Variants in HERC1 observed in about 807,000 individuals in gnomAD.
HERC1 encodes the protein HECT and RLD domain containing E3 ubiquitin protein ligase family member 1.
In HERC1, 160 loss-of-function variants were observed where a neutral mutation model predicts 554.3. The ratio of observed to expected loss-of-function variants is 0.29; its 90% CI spans 0.25 to 0.33. The LOEUF is 0.33. Among genes scored for constraint, HERC1 ranks in the 10% least tolerant of loss-of-function variants. The probability of loss-of-function intolerance (pLI) is 1.00; values close to 1 mark genes in which losing one functional copy is unlikely to be tolerated. For missense variants in HERC1, 4,919 were observed against 5,918.5 expected (o/e 0.83, Z 5.54); for synonymous variants, 2,175 against 2,131.7 (o/e 1.02, Z -0.56).
chr15:63,722,847 C>T (rs576496045), intron 19 of HERC1, among the ~76,000 whole-genome samples: 7 of 152,254 alleles, frequency 4.6e-5, no homozygotes, highest in African/African-American at 1.7e-4. Context: ...AGGTACGGTA[C>T]TACCTGTGGT....
At chr15:63,687,395 A>T (rs1437270617) in intron 33 of HERC1, among the ~76,000 whole-genome samples, 1 of 152,076 alleles carries the variant, frequency 6.6e-6, no homozygotes, top group East Asian at 1.9e-4. Flanking sequence ...AAAATTAGTC[A>T]GGTGTGGTGG....
intron 14 of HERC1, among the ~76,000 whole-genome samples, chr15:63,729,920 G>C (rs547156701): frequency 8.3e-4 from 126 of 151,640 alleles, no homozygotes; most frequent in African/African-American, 3.0e-3. Flanking sequence ...AGCTACCGGG[G>C]AGGCTGAGGC....
intron 24 of HERC1, among the ~76,000 whole-genome samples, chr15:63,708,036 G>A (rs554768274): frequency 3.2e-4 from 49 of 151,356 alleles, no homozygotes; most frequent in African/African-American, 1.2e-3. Context: ...TGTACCCCTG[G>A]TGCAGATAAA....
chr15:63,628,848 A>G (rs969819712), intron 69 of HERC1, 33 bp from the exon 70 acceptor site: 2 of 1,597,716 alleles, frequency 1.3e-6, no homozygotes, highest in South Asian at 2.2e-5. Context: ...CAGACATTCA[A>G]TTAGAAAGAG....
In HERC1 at chr15:63,665,968, C is replaced by T; in HGVS notation, c.8506G>A (p.Asp2836Asn). 6.2e-7 allele frequency: 1 copy of T among 1,614,042 alleles called. No homozygotes were observed. Among genetic ancestry groups the T allele is most frequent in the Non-Finnish European group, 8.5e-7 (1 of 1,179,896 alleles). The change falls in exon 42 of 78, where the codon GAC becomes AAC. Residue 2836 changes from aspartate (D) to asparagine (N), a missense_variant. Around this residue, in one of 11 missense-constraint regions of HERC1, gnomAD observed 1,963 missense variants for 2,228.6 expected, o/e 0.88. Transcript: ENST00000443617. The part of the protein sequence containing the change: ...NDPCYLQSPG[D>N]IPSADAAEME... ...TCAGCAGCATCAGCTGATGGTATGT[C>T]TCCAGGTGACTGCAAATAACAGGGA...
At chr15:63,675,656 T>C (rs1022923089) in intron 37 of HERC1, among the ~76,000 whole-genome samples, 2 of 152,322 alleles carry the variant, frequency 1.3e-5, no homozygotes, top group African/African-American at 4.8e-5. Flanking sequence ...AAAGTTTACT[T>C]TGTAGTCTCA....
chr15:63,644,894 G>C (rs905500286), intron 57 of HERC1, 98 bp downstream of exon 57: 1 of 847,054 alleles, frequency 1.2e-6, no homozygotes, highest in Non-Finnish European at 2.0e-6. Context: ...TGCCCTTTGG[G>C]ATATAGTAAT....
intron 50 of HERC1, among the ~76,000 whole-genome samples, chr15:63,654,650 C>T (rs376933014): frequency 4.0e-5 from 6 of 150,904 alleles, no homozygotes; most frequent in African/African-American, 1.2e-4. Context: ...GTCAGGAGTT[C>T]GAGACCAGCC....
intron 36 of HERC1, among the ~76,000 whole-genome samples, chr15:63,679,589 G>T (rs1055015036): frequency 7.9e-5 from 12 of 152,196 alleles, no homozygotes; most frequent in African/African-American, 2.9e-4. Flanking sequence ...GGTTTTGGAT[G>T]AGGTGAAAGA....
chr15:63,719,887 A>G (rs1385659951), intron 19 of HERC1, among the ~76,000 whole-genome samples: 1 of 151,996 alleles, frequency 6.6e-6, no homozygotes, highest in African/African-American at 2.4e-5. Context: ...AGTTTTGAAT[A>G]CTCTCCATTA....
At chr15:63,740,431 C>T (rs2074748639) in intron 12 of HERC1, among the ~76,000 whole-genome samples, 1 of 152,172 alleles carries the variant, frequency 6.6e-6, no homozygotes, top group Non-Finnish European at 1.5e-5. Flanking sequence ...TTTCAATGCT[C>T]TTGGGTACAG....
chr15:63,726,301 T>C (rs2074038346), intron 17 of HERC1, among the ~76,000 whole-genome samples: 1 of 152,136 alleles, frequency 6.6e-6, no homozygotes, highest in Admixed American at 6.5e-5. Context: ...GCTTTTTTAT[T>C]GTACATTTGT....
chr15:63,663,145 A>C lies in HERC1; in HGVS notation c.8740T>G (p.Leu2914Val), dbSNP rs760795318. The C allele has an allele frequency of 3.7e-6, 6 of 1,614,004 alleles. No homozygotes were observed. In the South Asian group the frequency reaches 6.6e-5, roughly 18 times the overall value. ...TACAACGCCCCTGGGTCTTGCTGCA[A>C]AGATATTCCTTCTCTCCGACTTTGA... ...RNQSRREGISLQQDPGALYDF... is the reference protein window; with the variant it reads ...RNQSRREGISVQQDPGALYDF... The change falls in exon 44 of 78, where the codon TTG becomes GTG. Residue 2914 changes from leucine to valine, a missense_variant. Coordinates refer to ENST00000443617, the MANE Select transcript of HERC1 (RefSeq NM_003922.4).
At chr15:63,628,210 G>A (rs1229075478) in intron 70 of HERC1, among the ~76,000 whole-genome samples, 1 of 152,094 alleles carries the variant, frequency 6.6e-6, no homozygotes, top group East Asian at 1.9e-4. Flanking sequence ...GGCCAACATG[G>A]CGAAACCCCG....
chr15:63,686,704 C>T (rs1474904898), intron 33 of HERC1, among the ~76,000 whole-genome samples, 169 bp from the exon 34 acceptor site: 4 of 152,170 alleles, frequency 2.6e-5, no homozygotes, highest in Non-Finnish European at 5.9e-5. Context: ...TGGTCCCTTC[C>T]CCATAAAGAG....
intron 16 of HERC1, among the ~76,000 whole-genome samples, chr15:63,728,542 C>T (rs1409191869): frequency 1.3e-5 from 2 of 152,038 alleles, no homozygotes; most frequent in African/African-American, 4.8e-5. Flanking sequence ...TCAGGGGCAG[C>T]TGGTTTTAGA....
At position 63,737,607 on chromosome 15, in the gene HERC1, T is replaced by C. The variant is rs376439205; in HGVS notation, c.2521-2758A>G. On this transcript the variant is annotated intron_variant, in intron 12 of 77. Coordinates refer to ENST00000443617, the MANE Select transcript of HERC1 (RefSeq NM_003922.4). ...TATTGGCCAGCTGGTCTTCAATTCC[T>C]GGCCTCAGGTGGTCCGCCCGCCTCG... is the stretch of plus-strand genomic sequence containing the variant. Among the ~76,000 whole-genome samples, 56 of 146,044 alleles carry C rather than the reference T, an allele frequency of 3.8e-4. 3 individuals carry two copies. The South Asian group carries it at 0.012, about 32-fold the overall frequency.
At chr15:63,753,975 G>A (rs2075335639) in intron 7 of HERC1, among the ~76,000 whole-genome samples, 1 of 151,956 alleles carries the variant, frequency 6.6e-6, no homozygotes, top group African/African-American at 2.4e-5. Flanking sequence ...GAAGTTCGAG[G>A]CCAGCCTGGG....
intron 59 of HERC1, 148 bp from the exon 60 acceptor site, chr15:63,641,791 C>T: frequency 1.8e-6 from 1 of 554,246 alleles, no homozygotes. Flanking sequence ...CTTTTAATGC[C>T]TATGGAACTT....
Sources: allele counts gnomAD v4.1 joint callset (sites outside exome capture counted in the v4.1 genomes callset), GRCh38; gene constraint gnomAD v4.1.1; regional missense constraint gnomAD v4.1.1; transcripts MANE v1.5; gene names NCBI Gene and HGNC (gene_info 2026-07-23, HGNC 2026-07-21).